ZNF562: variants seen among roughly 807,000 people sequenced by gnomAD.
ZNF562 encodes zinc finger protein 562.
ZNF562 carries 13 observed loss-of-function variants against 17.5 expected under a neutral mutation model. The observed-to-expected ratio is 0.74, with a 90% confidence interval of 0.48 to 1.18. The LOEUF (loss-of-function observed/expected upper bound fraction) is 1.18, where lower values mean the gene tolerates loss of function less well. ZNF562 is among the 50% of genes most tolerant of loss of function. The pLI is 0.00. For missense variants in ZNF562, 481 were observed against 498.5 expected, an observed-to-expected ratio of 0.96 and a Z score of 0.33; for synonymous variants, 163 against 165.4, an observed-to-expected ratio of 0.99 and a Z score of 0.11.
In ZNF562 at chr19:9,648,653, GT is replaced by G. The variant is rs951326741; in HGVS notation, c.*4295del. On this transcript the variant is annotated 3_prime_UTR_variant, in exon 6 of 6. Transcript: ENST00000453372. Reference sequence around the variant, plus strand: ...CCTTTCCATGCATTCACTTCTTCAAGTTTTTTTTTTGTTTTGTTTTTGTTTT... The same window carrying G: ...CCTTTCCATGCATTCACTTCTTCAAGTTTTTTTTTGTTTTGTTTTTGTTTT... 38 of 146,106 alleles carry G rather than the reference GT, an allele frequency of 2.6e-4. No individual in the cohort carries two copies. The highest frequency in any genetic ancestry group is 3.2e-4 in the Non-Finnish European group (21 of 66,290). The allele number at this position is 146,106 out of a possible 1,614,324, so 9.1% of individuals were successfully genotyped here.
chr19:9,657,764 GTCTTGAT>G (rs762157532), intron 4 of ZNF562, among the ~76,000 whole-genome samples: 1 of 151,930 alleles, frequency 6.6e-6, no homozygotes, highest in Non-Finnish European at 1.5e-5. Flanking sequence ...AGCCAGGCTG[GTCTTGAT>G]TTCCTGACCT....
intron 1 of ZNF562, among the ~76,000 whole-genome samples, chr19:9,667,236 G>T (rs571032552): frequency 6.6e-6 from 1 of 152,146 alleles, no homozygotes; most frequent in Non-Finnish European, 1.5e-5. Flanking sequence ...TAAATGTGAC[G>T]TACCAAATTA....
rs1356139441 is a variant in ZNF562 at position 9,647,615 on chromosome 19, G to A, written c.*5334C>T. ...TGCCTGTAATCCCAGTACTTTGGGA[G>A]TATGAGGCATGCAGATCACCTGAGG... On this transcript the variant is annotated 3_prime_UTR_variant, in exon 6 of 6. Coordinates refer to ENST00000453372, the MANE Select transcript of ZNF562 (RefSeq NM_001130031.2). The A allele has an allele frequency of 1.3e-5, 2 of 152,086 alleles. No individual in the cohort carries two copies. Among genetic ancestry groups the A allele is most frequent in the African/African-American group, 4.8e-5 (2 of 41,422 alleles). 9.4% of individuals were successfully genotyped at this position (152,086 alleles called of 1,614,324 possible).
Position 9,670,547 on chromosome 19 carries a change from G to A in ZNF562, c.-131+4468C>T, listed in dbSNP as rs537103543. 2.0e-5 allele frequency among the ~76,000 whole-genome samples: 3 copies of A among 152,228 alleles called. No individual in the cohort carries two copies. The East Asian group carries it at 5.8e-4, about 29-fold the overall frequency. ...TTTGCAGCAACTGGATAGAACTGGA[G>A]GTCATCATGGAAGTGAAATAAGCCA... On this transcript the variant is annotated intron_variant, in intron 1 of 5. Coordinates refer to ENST00000453372, the MANE Select transcript of ZNF562 (RefSeq NM_001130031.2).
rs552408863 is a variant in ZNF562 at position 9,653,755 on chromosome 19, C to T, written c.475G>A (p.Gly159Arg). Residue 159 changes from glycine (G) to arginine (R), a missense_variant, in exon 6 of 6, where the codon GGA (glycine) becomes AGA (arginine). Coordinates refer to ENST00000453372, the MANE Select transcript of ZNF562 (RefSeq NM_001130031.2). Reference sequence around the variant, plus strand: ...TTGTGCACACTGATGCTGTCTTTTCCATAACAATTACCCTCAAAAGTGTTC... The same window carrying T: ...TTGTGCACACTGATGCTGTCTTTTCTATAACAATTACCCTCAAAAGTGTTC... ...GGNTFEGNCY[G>R]KDSISVHKEA... 240 of 1,614,028 alleles carry T rather than the reference C, an allele frequency of 1.5e-4. 2 individuals carry two copies. The South Asian group carries it at 2.6e-3, about 18-fold the overall frequency.
At chr19:9,670,662 G>A (rs2145048993) in intron 1 of ZNF562, among the ~76,000 whole-genome samples, 1 of 152,194 alleles carries the variant, frequency 6.6e-6, no homozygotes, top group East Asian at 1.9e-4. Context: ...GGTTACTAGA[G>A]GCCAGAAGGG....
Position 9,645,535 on chromosome 19 carries a change from A to G in ZNF562, c.*7414T>C. 6.6e-6 allele frequency: 1 copy of G among 152,348 alleles called. No homozygotes were observed. The highest frequency in any genetic ancestry group is 1.5e-5 in the Non-Finnish European group (1 of 68,038). The allele number at this position is 152,348 out of a possible 1,614,324, so 9.4% of individuals were successfully genotyped here. A position where few individuals can be genotyped will look rare whatever the true frequency, so the allele number is the denominator to read the frequency against. ...CTTAATTAGCAGAAGCCTCTTGAGG[A>G]TGGACTTGCAAACCAAAGTTGTGCT... is the stretch of plus-strand genomic sequence containing the variant. On this transcript the variant is annotated 3_prime_UTR_variant, in exon 6 of 6. Transcript: ENST00000453372.
At chr19:9,664,951 G>C (rs1190431764) in intron 1 of ZNF562, among the ~76,000 whole-genome samples, 1 of 152,228 alleles carries the variant, frequency 6.6e-6, no homozygotes, top group Non-Finnish European at 1.5e-5. Flanking sequence ...GCCAGGTGTA[G>C]TGGCTCATGC....
intron 1 of ZNF562, among the ~76,000 whole-genome samples, chr19:9,661,900 G>C (rs1157168034): frequency 6.6e-6 from 1 of 152,076 alleles, no homozygotes; most frequent in Non-Finnish European, 1.5e-5. Flanking sequence ...AAGTGGCTGG[G>C]ACTACAGGTG....
chr19:9,655,801 C>T (rs2043457459), intron 5 of ZNF562, among the ~76,000 whole-genome samples: 1 of 127,238 alleles, frequency 7.9e-6, no homozygotes, highest in African/African-American at 2.9e-5. Context: ...TGGTGCAGTG[C>T]TGGCTCACTC....
intron 5 of ZNF562, 28 bp from the exon 6 acceptor site, chr19:9,653,909 G>A (rs745770747): frequency 2.0e-6 from 3 of 1,492,784 alleles, no homozygotes; most frequent in South Asian, 3.0e-5. Flanking sequence ...GATTTAAAAT[G>A]TTTTCAGACA....
chr19:9,654,565 G>T (rs558127564), intron 5 of ZNF562, among the ~76,000 whole-genome samples: 1 of 152,152 alleles, frequency 6.6e-6, no homozygotes, highest in Non-Finnish European at 1.5e-5. Context: ...GGGTTCAAGC[G>T]GTTCTTCTGC....
In ZNF562 at chr19:9,653,071, G is replaced by A; in HGVS notation, c.1159C>T (p.Leu387Phe). Residue 387 changes from leucine (L) to phenylalanine (F), a missense_variant, in exon 6 of 6, where the codon CTT (leucine) becomes TTT (phenylalanine). Around this residue, in one of 2 missense-constraint regions of ZNF562, gnomAD observed 78 missense variants for 112.0 expected, o/e 0.70. Coordinates refer to ENST00000453372, the MANE Select transcript of ZNF562 (RefSeq NM_001130031.2). ...CGKAFNRSSTLTQHRRIHTGE... is the reference protein window; with the variant it reads ...CGKAFNRSSTFTQHRRIHTGE... ...GTGTGAATTCTTCTATGTTGAGTAA[G>A]CGTTGAAGATCTATTGAAGGCTTTC... is the stretch of plus-strand genomic sequence containing the variant. 1.9e-6 allele frequency: 3 copies of A among 1,607,902 alleles called. No individual in the cohort carries two copies. Among genetic ancestry groups the A allele is most frequent in the Non-Finnish European group, 2.5e-6 (3 of 1,176,988 alleles).
At chr19:9,673,078 C>A (rs572972015) in intron 1 of ZNF562, among the ~76,000 whole-genome samples, 42 of 152,052 alleles carry the variant, frequency 2.8e-4, no homozygotes, top group Non-Finnish European at 5.3e-4. Context: ...ACATCTGTTC[C>A]CTTGGCTACT....
In ZNF562 at chr19:9,672,952, A is replaced by T. The variant is rs73008152; in HGVS notation, c.-131+2063T>A. 9.7e-3 allele frequency among the ~76,000 whole-genome samples: 1,480 copies of T among 152,070 alleles called. 20 individuals are homozygous for T. The highest frequency in any genetic ancestry group is 0.044 in the South Asian group (210 of 4,810). The stretch of plus-strand genomic sequence containing the variant: ...ATATTTCTCTGAATTTCTCTTCAAA[A>T]GTTCAGCCTGTAAACTTCCTTGTTC... On this transcript the variant is annotated intron_variant, in intron 1 of 5. Coordinates refer to ENST00000453372, the MANE Select transcript of ZNF562 (RefSeq NM_001130031.2).
intron 4 of ZNF562, 69 bp downstream of exon 4, chr19:9,657,940 C>T (rs2043576924): frequency 1.3e-6 from 2 of 1,530,254 alleles, no homozygotes; most frequent in South Asian, 2.6e-5. Context: ...ATTCTCCCAC[C>T]TCAGCCTCCC....
rs776474092 is a variant in ZNF562 at position 9,656,657 on chromosome 19, A to C, written c.242-4T>G. The C allele has an allele frequency of 4.3e-6, 7 of 1,612,086 alleles. No homozygotes were observed. The South Asian group carries it at 5.5e-5, about 13-fold the overall frequency. ...GAAGTTAAGCAGAAAAAGAAATCTA[A>C]GGGTTTAGAGAAGAAATGTGTTAGT... On this transcript the variant is annotated splice_region_variant and splice_polypyrimidine_tract_variant and intron_variant, in intron 4 of 5. Coordinates refer to ENST00000453372, the MANE Select transcript of ZNF562 (RefSeq NM_001130031.2).
chr19:9,674,138 C>A (rs999495004), intron 1 of ZNF562, among the ~76,000 whole-genome samples: 2 of 152,130 alleles, frequency 1.3e-5, no homozygotes, highest in Non-Finnish European at 2.9e-5. Context: ...ACCCCACAGG[C>A]TAAACTAATT....
Position 9,652,356 on chromosome 19 carries a change from AC to A in ZNF562, c.*592del, listed in dbSNP as rs2074879705. 1 of 152,294 alleles carries A rather than the reference AC, an allele frequency of 6.6e-6. No individual in the cohort carries two copies. Among genetic ancestry groups the A allele is most frequent in the African/African-American group, 2.4e-5 (1 of 41,468 alleles). The allele number at this position is 152,294 out of a possible 1,614,324, so 9.4% of individuals were successfully genotyped here. A position where few individuals can be genotyped will look rare whatever the true frequency, so the allele number is the denominator to read the frequency against. On this transcript the variant is annotated 3_prime_UTR_variant, in exon 6 of 6. Coordinates refer to ENST00000453372, the MANE Select transcript of ZNF562 (RefSeq NM_001130031.2). ...GCAGGATCCATGGGAACAGAAGAGA[AC>A]CTTGGAGGAGCATCTTTTTAACAAT...
Sources: gnomAD v4.1 joint callset for allele counts (sites outside exome capture counted in the v4.1 genomes callset) on GRCh38, gnomAD v4.1.1 for gene constraint, gnomAD v4.1.1 regional missense constraint, MANE v1.5 for transcripts, NCBI Gene and HGNC (gene_info 2026-07-23, HGNC 2026-07-21) for gene names.